Variants in SUPT3H observed in about 807,000 individuals in gnomAD.
SUPT3H encodes the protein transcription initiation protein SPT3 homolog.
In SUPT3H, 44 loss-of-function variants were observed where a neutral mutation model predicts 44.3. The ratio of observed to expected loss-of-function variants is 0.99; its 90% CI spans 0.78 to 1.28. The LOEUF is 1.28. Among genes scored for constraint, SUPT3H ranks in the 50% most tolerant of loss-of-function variants. The pLI is 0.00. For missense variants in SUPT3H, 380 were observed against 387.1 expected (o/e 0.98, Z 0.15); for synonymous variants, 124 against 125.6 (o/e 0.99, Z 0.09).
intron 2 of SUPT3H, among the ~76,000 whole-genome samples, chr6:45,362,391 T>C (rs921462192): frequency 6.6e-6 from 1 of 152,174 alleles, no homozygotes; most frequent in Non-Finnish European, 1.5e-5. Flanking sequence ...CTTAGAACTA[T>C]GAACAGCAGC....
chr6:45,016,365 C>CT (rs1382906804), intron 4 of SUPT3H, among the ~76,000 whole-genome samples: 2 of 150,470 alleles, frequency 1.3e-5, no homozygotes, highest in Admixed American at 1.3e-4. Flanking sequence ...TATTACTATA[C>CT]TTTAAGTTTT....
chr6:44,811,589 G>GATC (rs1561828630), intron 11 of SUPT3H, among the ~76,000 whole-genome samples: 2 of 152,206 alleles, frequency 1.3e-5, no homozygotes, highest in African/African-American at 4.8e-5. Flanking sequence ...AGCAGCTATT[G>GATC]ATCTTTGAAG....
chr6:45,162,032 T>TA (rs11380316), intron 2 of SUPT3H, among the ~76,000 whole-genome samples: 61,108 of 150,486 alleles, frequency 0.41, 12,721 homozygotes, highest in East Asian at 0.71. Context: ...AGAACATGTT[T>TA]AAAAAAAAAC....
At chr6:45,332,515 T>C (rs1787719816) in intron 2 of SUPT3H, among the ~76,000 whole-genome samples, 1 of 151,764 alleles carries the variant, frequency 6.6e-6, no homozygotes. Flanking sequence ...AGCATACAAA[T>C]ACCAATCTTC....
intron 2 of SUPT3H, among the ~76,000 whole-genome samples, chr6:45,156,362 T>C (rs1269570275): frequency 6.6e-6 from 1 of 152,168 alleles, no homozygotes; most frequent in African/African-American, 2.4e-5. Flanking sequence ...TAGTGTTTTT[T>C]AACTAACAAA....
At chr6:45,235,633 T>C (rs1378355130) in intron 2 of SUPT3H, among the ~76,000 whole-genome samples, 1 of 152,060 alleles carries the variant, frequency 6.6e-6, no homozygotes, top group African/African-American at 2.4e-5. Flanking sequence ...CGTACTAGGA[T>C]GGTGAGAAGG....
In SUPT3H at chr6:45,028,547, G is replaced by C. The variant is rs559893872; in HGVS notation, c.187-7915C>G. On this transcript the variant is annotated intron_variant, in intron 3 of 10. Coordinates refer to ENST00000371459, the MANE Select transcript of SUPT3H (RefSeq NM_003599.4). ...ACTTAAAATTATTTTGTTATTTAGT[G>C]GAGTTTTCAGAGTTTGAAGCATGTG... Among the ~76,000 whole-genome samples the C allele has an allele frequency of 8.6e-5, 13 of 151,612 alleles. No individual in the cohort carries two copies. In the South Asian group the frequency reaches 2.7e-3, roughly 31 times the overall value.
At chr6:45,236,075 C>T (rs1182959925) in intron 2 of SUPT3H, among the ~76,000 whole-genome samples, 18 of 152,200 alleles carry the variant, frequency 1.2e-4, no homozygotes, top group Admixed American at 1.2e-3. Context: ...TTATCACTGG[C>T]TTGCTGTCAA....
intron 2 of SUPT3H, among the ~76,000 whole-genome samples, chr6:45,137,775 A>C (rs1632504): frequency 0.02 from 3,089 of 152,092 alleles, 41 homozygotes; most frequent in Non-Finnish European, 0.032. Flanking sequence ...AGGCAGTTAT[A>C]AATTCAACCA....
At chr6:44,970,154 G>A (rs540818932) in intron 6 of SUPT3H, among the ~76,000 whole-genome samples, 4 of 152,022 alleles carry the variant, frequency 2.6e-5, no homozygotes, top group Admixed American at 2.0e-4. Context: ...AAACTATCAA[G>A]AGTGGGCATT....
chr6:45,036,561 C>T (rs2153527398), intron 3 of SUPT3H, among the ~76,000 whole-genome samples: 1 of 152,156 alleles, frequency 6.6e-6, no homozygotes, highest in East Asian at 1.9e-4. Flanking sequence ...AGTTACATTG[C>T]CATTTCATTC....
chr6:44,833,216 A>C (rs538140367), intron 10 of SUPT3H, among the ~76,000 whole-genome samples: 5 of 152,302 alleles, frequency 3.3e-5, no homozygotes, highest in Non-Finnish European at 7.4e-5. Flanking sequence ...TGTAGTAAGT[A>C]AGTCCCAAAC....
At chr6:45,027,890 G>A (rs1786276412) in intron 3 of SUPT3H, among the ~76,000 whole-genome samples, 1 of 152,098 alleles carries the variant, frequency 6.6e-6, no homozygotes, top group Non-Finnish European at 1.5e-5. Flanking sequence ...TGTTGCTGTT[G>A]ACAAGTCGAT....
At chr6:45,364,723 A>G (rs188608222) in intron 2 of SUPT3H, among the ~76,000 whole-genome samples, 2 of 152,326 alleles carry the variant, frequency 1.3e-5, no homozygotes, top group East Asian at 1.9e-4. Flanking sequence ...TTTTTCCCCA[A>G]TGCTCTGAAA....
At chr6:44,972,416 C>T (rs1430149171) in intron 6 of SUPT3H, among the ~76,000 whole-genome samples, 1 of 152,188 alleles carries the variant, frequency 6.6e-6, no homozygotes, top group Non-Finnish European at 1.5e-5. Context: ...GTCAGCTACG[C>T]CCCTGTGGCT....
At chr6:45,145,071 T>C (rs1441095757) in intron 2 of SUPT3H, among the ~76,000 whole-genome samples, 3 of 152,116 alleles carry the variant, frequency 2.0e-5, no homozygotes, top group East Asian at 1.9e-4. Flanking sequence ...AGAATTCATA[T>C]TGTGAACATG....
chr6:45,315,971 A>AGATAGATAGATG (rs1452906471), intron 2 of SUPT3H, among the ~76,000 whole-genome samples: 1 of 146,054 alleles, frequency 6.8e-6, no homozygotes, highest in African/African-American at 2.5e-5. Flanking sequence ...ATAGATAGAT[A>AGATAGATAGATG]GATGATGGAA....
chr6:45,230,686 A>ATTTTTTTTTTTTTT (rs1554294714), intron 2 of SUPT3H, among the ~76,000 whole-genome samples: 4 of 116,790 alleles, frequency 3.4e-5, no homozygotes, highest in Non-Finnish European at 5.5e-5. Flanking sequence ...ATATATATAT[A>ATTTTTTTTTTTTTT]TTTTTGAGAT....
intron 6 of SUPT3H, among the ~76,000 whole-genome samples, chr6:45,000,101 CATGT>C (rs1202956787): frequency 6.6e-6 from 1 of 151,624 alleles, no homozygotes; most frequent in Non-Finnish European, 1.5e-5. Context: ...TATATACATA[CATGT>C]ATTTATTATG....
Sources: gnomAD v4.1 joint callset for allele counts (sites outside exome capture counted in the v4.1 genomes callset) on GRCh38, gnomAD v4.1.1 for gene constraint, MANE v1.5 for transcripts, NCBI Gene and HGNC (gene_info 2026-07-23, HGNC 2026-07-21) for gene names.